SLC4A4: variants seen among roughly 807,000 people sequenced by gnomAD.
The protein encoded by SLC4A4 is electrogenic sodium bicarbonate cotransporter 1.
A neutral mutation model predicts 111.5 loss-of-function variants in SLC4A4; 27 were observed. The ratio of observed to expected loss-of-function variants is 0.24; its 90% confidence interval spans 0.18 to 0.33. SLC4A4 has a LOEUF of 0.33. Among genes scored for constraint, SLC4A4 ranks in the 10% least tolerant of loss-of-function variants. SLC4A4 has a pLI of 1.00. For missense variants in SLC4A4, 909 were observed against 1,315.5 expected (o/e 0.69, Z 4.78); for synonymous variants, 443 against 463.4 (o/e 0.96, Z 0.57).
intron 4 of SLC4A4, among the ~76,000 whole-genome samples, chr4:71,349,647 A>T (rs943133285): frequency 1.3e-5 from 2 of 152,212 alleles, no homozygotes; most frequent in Non-Finnish European, 2.9e-5. Flanking sequence ...ATGGTTACAT[A>T]TAGGCAGATA....
chr4:71,217,832 A>G (rs946979788), intron 1 of SLC4A4, among the ~76,000 whole-genome samples: 2 of 152,190 alleles, frequency 1.3e-5, no homozygotes, highest in South Asian at 2.1e-4. Context: ...AAGACTTACA[A>G]AACAGACTCT....
chr4:71,502,779 G>T (rs893385270), intron 16 of SLC4A4, among the ~76,000 whole-genome samples: 1 of 152,176 alleles, frequency 6.6e-6, no homozygotes, highest in Non-Finnish European at 1.5e-5. Flanking sequence ...TGTTACAAAT[G>T]CAGTTGAGAA....
intron 16 of SLC4A4, among the ~76,000 whole-genome samples, chr4:71,520,242 G>A (rs981182730): frequency 3.3e-5 from 5 of 152,144 alleles, no homozygotes; most frequent in Admixed American, 3.3e-4. Context: ...CATGCAAAAT[G>A]TCTCATTCTC....
chr4:71,111,844 G>C (rs893940535), intron 2 of SLC4A4, among the ~76,000 whole-genome samples: 1 of 149,970 alleles, frequency 6.7e-6, no homozygotes, highest in Non-Finnish European at 1.5e-5. Context: ...TCACAGGCAC[G>C]TGCCACCACA....
intron 9 of SLC4A4, 84 bp from the exon 10 acceptor site, chr4:71,450,305 G>C (rs1004610856): frequency 4.2e-5 from 40 of 958,828 alleles, no homozygotes; most frequent in African/African-American, 4.2e-4. Context: ...CAGTTGTTAT[G>C]GGCTGCATTC....
intron 16 of SLC4A4, among the ~76,000 whole-genome samples, chr4:71,529,333 AT>A (rs1733715436): frequency 2.6e-5 from 4 of 152,270 alleles, no homozygotes; most frequent in African/African-American, 9.6e-5. Context: ...CTGAAAAAAA[AT>A]CATTGTTTTT....
At chr4:71,330,744 T>G (rs1284948136) in intron 3 of SLC4A4, among the ~76,000 whole-genome samples, 2 of 152,002 alleles carry the variant, frequency 1.3e-5, no homozygotes, top group Non-Finnish European at 2.9e-5. Flanking sequence ...GGGATGTAAT[T>G]AAACTAAAGA....
At chr4:71,558,408 T>C (rs1272296498) in intron 22 of SLC4A4, among the ~76,000 whole-genome samples, 1 of 151,886 alleles carries the variant, frequency 6.6e-6, no homozygotes, top group Non-Finnish European at 1.5e-5. Flanking sequence ...GTTTGCATAA[T>C]GGTAAGTTTA....
chr4:71,553,223 A>T (rs906333018), intron 20 of SLC4A4, among the ~76,000 whole-genome samples: 1 of 151,912 alleles, frequency 6.6e-6, no homozygotes, highest in Non-Finnish European at 1.5e-5. Context: ...AAACATCTTC[A>T]TATCTAAAGC....
At chr4:71,108,761 GA>G (rs1743011428) in intron 2 of SLC4A4, among the ~76,000 whole-genome samples, 4 of 152,038 alleles carry the variant, frequency 2.6e-5, no homozygotes, top group African/African-American at 9.6e-5. Flanking sequence ...TCTCATTCTG[GA>G]ATCCTGGAAA....
chr4:71,557,503 A>G (rs1736578244), intron 21 of SLC4A4, among the ~76,000 whole-genome samples: 2 of 151,942 alleles, frequency 1.3e-5, no homozygotes, highest in African/African-American at 2.4e-5. Flanking sequence ...ATACATCTAC[A>G]TAACATTCCC....
chr4:71,532,104 C>A lies in SLC4A4; in HGVS notation c.2209C>A (p.Leu737Ile). 1 of 1,613,186 alleles carries A rather than the reference C, an allele frequency of 6.2e-7. No homozygotes were observed. ...TGATTTTGCCATTATCTTGTCCATT[C>A]TCATCTTTTGTGTAATAGATGCCCT... ...ISDFAIILSI[L>I]IFCVIDALVG... The change falls in exon 17 of 26, where the codon CTC (leucine) becomes ATC (isoleucine). Residue 737 changes from leucine to isoleucine, a missense_variant. Physicochemically the swap from Leu to Ile is conservative, Grantham distance 5. Transcript: ENST00000264485.
rs531045447 is a variant in SLC4A4, at chr4:71,146,519, C to T, written c.-2+53727C>T. ...GGATATCCTTGTTAACTTTCTGTCTCGTTCACCTGTCTAATGTGGACAGTG... is the reference window on the plus strand; with the variant it reads ...GGATATCCTTGTTAACTTTCTGTCTTGTTCACCTGTCTAATGTGGACAGTG... On this transcript the variant is annotated intron_variant, in intron 2 of 26. Coordinates refer to the SLC4A4 transcript ENST00000649996. Among the ~76,000 whole-genome samples the T allele has an allele frequency of 7.9e-5, 12 of 152,190 alleles. 1 individual carries two copies. In the South Asian group the frequency reaches 1.7e-3, roughly 21 times the overall value.
chr4:71,504,663 TGGGG>T (rs59792240), intron 16 of SLC4A4, among the ~76,000 whole-genome samples: 3 of 136,996 alleles, frequency 2.2e-5, no homozygotes, highest in South Asian at 2.4e-4. Flanking sequence ...TTGTGTTTCA[TGGGG>T]GGGGGGGTGT....
At chr4:71,105,161 C>G (rs1742871379) in intron 2 of SLC4A4, among the ~76,000 whole-genome samples, 2 of 145,546 alleles carry the variant, frequency 1.4e-5, no homozygotes, top group South Asian at 4.4e-4. Context: ...TGAGTGAACT[C>G]CCATTCACAA....
intron 1 of SLC4A4, among the ~76,000 whole-genome samples, chr4:71,085,918 T>A (rs1426510521): frequency 6.6e-6 from 1 of 152,032 alleles, no homozygotes; most frequent in Non-Finnish European, 1.5e-5. Context: ...AACTTTAAAG[T>A]AGTTTTTTCC....
intron 1 of SLC4A4, among the ~76,000 whole-genome samples, chr4:71,064,408 AGCCCATTAGAGTCAT>A (rs1741462696): frequency 6.6e-6 from 1 of 152,204 alleles, no homozygotes. Flanking sequence ...GTTGCTGCAG[AGCCCATTAGAGTCAT>A]GCCTTTGAAG....
chr4:71,445,700 G>C (rs1725162779), intron 8 of SLC4A4, among the ~76,000 whole-genome samples: 2 of 152,132 alleles, frequency 1.3e-5, no homozygotes, highest in African/African-American at 4.8e-5. Flanking sequence ...AAACGAAATT[G>C]AGAAATGTGA....
intron 7 of SLC4A4, among the ~76,000 whole-genome samples, chr4:71,429,747 C>G (rs1012960991): frequency 6.6e-6 from 1 of 152,066 alleles, no homozygotes; most frequent in Non-Finnish European, 1.5e-5. Context: ...AAAATCCAGG[C>G]TGGTTATTTT....
Sources: allele counts gnomAD v4.1 joint callset (sites outside exome capture counted in the v4.1 genomes callset), GRCh38; gene constraint gnomAD v4.1.1; transcripts MANE v1.5; gene names NCBI Gene and HGNC (gene_info 2026-07-23, HGNC 2026-07-21).